Variants in CSMD1 observed in about 807,000 individuals in gnomAD.
The protein encoded by CSMD1 is CUB and sushi domain-containing protein 1.
Under a neutral mutation model 417.5 loss-of-function variants are expected in CSMD1, and 213 were observed. The ratio of observed to expected loss-of-function variants is 0.51; its 90% CI spans 0.46 to 0.57. CSMD1 has a LOEUF of 0.57. CSMD1 is among the 20% of genes least tolerant of loss of function. The pLI, the probability that CSMD1 is intolerant of heterozygous loss-of-function variation, is 0.00. For missense variants in CSMD1, 6,923 were observed against 4,529.7 expected (o/e 1.53, Z -15.17); for synonymous variants, 2,862 against 1,736.8 (o/e 1.65, Z -16.11).
chr8:3,846,976 C>T (rs1245239347), intron 5 of CSMD1, among the ~76,000 whole-genome samples: 1 of 152,232 alleles, frequency 6.6e-6, no homozygotes, highest in Middle Eastern at 3.4e-3. Context: ...CGCCTGGCCC[C>T]AGGATTTACT....
At chr8:3,149,118 A>G (rs1819033260) in intron 40 of CSMD1, among the ~76,000 whole-genome samples, 1 of 152,202 alleles carries the variant, frequency 6.6e-6, no homozygotes, top group African/African-American at 2.4e-5. Context: ...GTTTAGGTTT[A>G]TAGATCCCAA....
chr8:2,985,993 G>A (rs906697404), intron 54 of CSMD1, among the ~76,000 whole-genome samples: 2 of 144,648 alleles, frequency 1.4e-5, no homozygotes, highest in East Asian at 2.0e-4. Context: ...GAAGGGAAAG[G>A]GGAAGCGGAA....
At chr8:3,535,281 T>G (rs1033353314) in intron 10 of CSMD1, among the ~76,000 whole-genome samples, 1 of 152,058 alleles carries the variant, frequency 6.6e-6, no homozygotes, top group Non-Finnish European at 1.5e-5. Flanking sequence ...CAGACGACAC[T>G]GAAATAGTTA....
intron 21 of CSMD1, among the ~76,000 whole-genome samples, chr8:3,352,327 T>C (rs1181924799): frequency 2.0e-5 from 3 of 152,212 alleles, no homozygotes; most frequent in Non-Finnish European, 2.9e-5. Flanking sequence ...AGTTGAATTT[T>C]AAAGACTTTA....
At chr8:4,750,848 A>G (rs750580177) in intron 1 of CSMD1, among the ~76,000 whole-genome samples, 4 of 151,962 alleles carry the variant, frequency 2.6e-5, no homozygotes, top group Non-Finnish European at 4.4e-5. Context: ...AGCTGATGAG[A>G]TATTGGGATT....
At chr8:4,014,308 T>C (rs910073338) in intron 4 of CSMD1, among the ~76,000 whole-genome samples, 1 of 152,192 alleles carries the variant, frequency 6.6e-6, no homozygotes, top group Admixed American at 6.5e-5. Context: ...GAAGTGAACA[T>C]GGGAAACATT....
chr8:3,805,854 T>A (rs1800704929), intron 5 of CSMD1, among the ~76,000 whole-genome samples: 1 of 152,188 alleles, frequency 6.6e-6, no homozygotes, highest in Admixed American at 6.5e-5. Context: ...AAAAATTTCA[T>A]GCCTCAGTTT....
At chr8:4,387,739 C>G (rs1295353163) in intron 3 of CSMD1, among the ~76,000 whole-genome samples, 3 of 151,976 alleles carry the variant, frequency 2.0e-5, no homozygotes, top group African/African-American at 4.8e-5. Context: ...AGACATATTT[C>G]TACAACATAT....
In CSMD1 at chr8:4,212,751, C is replaced by CTTTTTT. The variant is rs5889027; in HGVS notation, c.416-180658_416-180653dup. On this transcript the variant is annotated intron_variant, in intron 3 of 69. Coordinates refer to ENST00000635120, the MANE Select transcript of CSMD1 (RefSeq NM_033225.6). ...AAAAGTTTACAACAGCGGCCTTATT[C>CTTTTTT]TTTTTTTTTTTTTTTTTTTTTTTTT... is the stretch of plus-strand genomic sequence containing the variant. Among the ~76,000 whole-genome samples the CTTTTTT allele has an allele frequency of 4.3e-3, 429 of 99,178 alleles. 29 individuals carry two copies. Among genetic ancestry groups the CTTTTTT allele is most frequent in the African/African-American group, 0.017 (406 of 23,432 alleles). 65.1% of individuals were successfully genotyped at this position (99,178 alleles called of 152,430 possible).
At chr8:4,732,373 G>GTGTGTA (rs1809953191) in intron 1 of CSMD1, among the ~76,000 whole-genome samples, 1 of 149,436 alleles carries the variant, frequency 6.7e-6, no homozygotes, top group African/African-American at 2.5e-5. Context: ...GTGTGTGTGT[G>GTGTGTA]TGTGTGTGTA....
intron 26 of CSMD1, chr8:3,279,252 G>C (rs886262418): frequency 3.9e-5 from 6 of 152,170 alleles, no homozygotes; most frequent in African/African-American, 1.4e-4. Context: ...ATGACTAGTG[G>C]AGAGGCAGGA....
At chr8:4,706,042 G>A (rs1427962988) in intron 1 of CSMD1, among the ~76,000 whole-genome samples, 1 of 135,260 alleles carries the variant, frequency 7.4e-6, no homozygotes, top group Non-Finnish European at 1.7e-5. Context: ...TTTAAAATAT[G>A]TAATTTTTTA....
rs1470635090 is a variant in CSMD1, at chr8:3,389,366, C to T, written c.2594-1684G>A. Among the ~76,000 whole-genome samples the T allele has an allele frequency of 5.3e-5, 8 of 152,164 alleles. No homozygotes were observed. The East Asian group carries it at 9.7e-4, about 18-fold the overall frequency. Reference sequence around the variant, plus strand: ...CCCACTTATAAGTGAGAACATGCGGCGTTTGGTTGCCTGTTGCTGCATTAG... The same window carrying T: ...CCCACTTATAAGTGAGAACATGCGGTGTTTGGTTGCCTGTTGCTGCATTAG... On this transcript the variant is annotated intron_variant, in intron 17 of 69. Transcript: ENST00000635120.
intron 10 of CSMD1, among the ~76,000 whole-genome samples, chr8:3,549,675 C>T (rs985546606): frequency 6.6e-6 from 1 of 152,050 alleles, no homozygotes; most frequent in Non-Finnish European, 1.5e-5. Flanking sequence ...TCTAGCTAGC[C>T]CCCTTCAACA....
chr8:3,547,440 G>T (rs1051284677), intron 10 of CSMD1, among the ~76,000 whole-genome samples: 9 of 152,266 alleles, frequency 5.9e-5, no homozygotes, highest in Middle Eastern at 6.8e-3. Context: ...ATATACAGAT[G>T]TATAAACGGA....
chr8:4,019,885 T>G (rs1008131266), intron 4 of CSMD1, among the ~76,000 whole-genome samples: 1 of 150,792 alleles, frequency 6.6e-6, no homozygotes, highest in Non-Finnish European at 1.5e-5. Flanking sequence ...TCTGCTAGTT[T>G]CTTATTCTAA....
intron 5 of CSMD1, among the ~76,000 whole-genome samples, chr8:3,836,477 C>G (rs1434093284): frequency 6.6e-6 from 1 of 152,106 alleles, no homozygotes; most frequent in Non-Finnish European, 1.5e-5. Flanking sequence ...GGAGATGTAG[C>G]AGAGATTGTT....
chr8:4,309,336 G>C (rs952017941), intron 3 of CSMD1, among the ~76,000 whole-genome samples: 1 of 152,122 alleles, frequency 6.6e-6, no homozygotes, highest in Non-Finnish European at 1.5e-5. Flanking sequence ...AATGAGATGA[G>C]AAGTTTTTTT....
chr8:4,029,112 T>C (rs185514247), intron 4 of CSMD1, among the ~76,000 whole-genome samples: 10 of 152,252 alleles, frequency 6.6e-5, no homozygotes, highest in Admixed American at 3.9e-4. Context: ...AAGGAGTGTT[T>C]GTAATTTTTA....
Sources: allele counts gnomAD v4.1 joint callset (sites outside exome capture counted in the v4.1 genomes callset), GRCh38; gene constraint gnomAD v4.1.1; transcripts MANE v1.5; gene names NCBI Gene and HGNC (gene_info 2026-07-23, HGNC 2026-07-21).